NFIB: variants seen among roughly 807,000 people sequenced by gnomAD.
NFIB encodes the protein nuclear factor I B.
In NFIB, 11 loss-of-function variants were observed where a neutral mutation model predicts 61.5. The observed-to-expected ratio is 0.18, with a 90% CI of 0.11 to 0.30. The LOEUF (loss-of-function observed/expected upper bound fraction) is 0.30. Ranked by LOEUF, NFIB falls within the 10% of genes least tolerant of loss-of-function variation. NFIB has a pLI of 1.00. For synonymous variants in NFIB, 260 were observed against 216.5 expected, an observed-to-expected ratio of 1.20 and a Z score of -1.76; for missense variants, 471 against 608.9, an observed-to-expected ratio of 0.77 and a Z score of 2.38.
At chr9:14,413,637 T>C in the NFIB span, among the ~76,000 whole-genome samples, 5 of 152,028 alleles carry the variant, frequency 3.3e-5, no homozygotes, top group Non-Finnish European at 5.9e-5. Flanking sequence ...AAGCTGCAAA[T>C]AGAATTTGGG....
At chr9:14,378,045 C>T (rs2061440325) in intron 1 of NFIB, among the ~76,000 whole-genome samples, 1 of 152,086 alleles carries the variant, frequency 6.6e-6, no homozygotes, top group Non-Finnish European at 1.5e-5. Flanking sequence ...GAAAGGATTA[C>T]AAAGGTGCTC....
intron 2 of NFIB, among the ~76,000 whole-genome samples, chr9:14,231,329 A>T (rs1173520272): frequency 2.0e-5 from 3 of 151,616 alleles, no homozygotes; most frequent in African/African-American, 7.3e-5. Flanking sequence ...AAGGAAAGGC[A>T]GAGAGAGGGA....
intron 2 of NFIB, among the ~76,000 whole-genome samples, chr9:14,203,147 A>G (rs1217189701): frequency 6.7e-6 from 1 of 149,472 alleles, no homozygotes; most frequent in Non-Finnish European, 1.5e-5. Context: ...TTTAGAAGCC[A>G]AAGGAGACAG....
the NFIB span, among the ~76,000 whole-genome samples, chr9:14,487,723 C>T: frequency 2.6e-5 from 4 of 152,226 alleles, no homozygotes; most frequent in African/African-American, 7.2e-5. Context: ...CCACAGCTAA[C>T]GCAGCAGCCA....
chr9:14,126,939 G>A (rs1427705412), intron 6 of NFIB, among the ~76,000 whole-genome samples: 1 of 152,178 alleles, frequency 6.6e-6, no homozygotes, highest in African/African-American at 2.4e-5. Flanking sequence ...CTCACTTTCG[G>A]CTCCTTTAAA....
At chr9:14,404,458 C>A in the NFIB span, among the ~76,000 whole-genome samples, 1 of 152,146 alleles carries the variant, frequency 6.6e-6, no homozygotes, top group African/African-American at 2.4e-5. Flanking sequence ...AAGTCGGCCA[C>A]CTCCTACTTG....
In NFIB at chr9:14,313,529, C is replaced by G. The variant is rs1240155509; in HGVS notation, c.-18G>C. The G allele has an allele frequency of 6.2e-7, 1 of 1,613,668 alleles. No homozygotes were observed. The highest frequency in any genetic ancestry group is 8.5e-7 in the Non-Finnish European group (1 of 1,179,812). ...TACATCATGACTTCGCCTTAAAACG[C>G]ACTTTCCGGGAGATGCCCAAGAAAA... is the stretch of plus-strand genomic sequence containing the variant. On this transcript the variant is annotated 5_prime_UTR_variant, in exon 1 of 11. Coordinates refer to ENST00000380953, the MANE Select transcript of NFIB (RefSeq NM_001190737.2). This position sits in a 1 kb window ranked among gnomAD's most constrained non-coding sequence, Gnocchi z 4.5.
chr9:14,470,216 A>C, the NFIB span, among the ~76,000 whole-genome samples: 1 of 152,094 alleles, frequency 6.6e-6, no homozygotes, highest in Non-Finnish European at 1.5e-5. Context: ...AACAGCTGTT[A>C]TTGTCATTGC....
chr9:14,233,690 A>C (rs766964768), intron 2 of NFIB, among the ~76,000 whole-genome samples: 1 of 152,082 alleles, frequency 6.6e-6, no homozygotes, highest in African/African-American at 2.4e-5. Flanking sequence ...TCAGCCTCCC[A>C]AAGTGCTGGG....
intron 2 of NFIB, among the ~76,000 whole-genome samples, chr9:14,186,143 G>GT (rs1462318158): frequency 2.6e-5 from 4 of 152,178 alleles, no homozygotes; most frequent in Admixed American, 6.5e-5. Context: ...GCTGTACAAG[G>GT]TGAGTTTTCA....
At chr9:14,419,161 C>A in the NFIB span, among the ~76,000 whole-genome samples, 2 of 151,616 alleles carry the variant, frequency 1.3e-5, no homozygotes, top group Non-Finnish European at 2.9e-5. Context: ...GGGGAGCTCT[C>A]GGTGCTTTGA....
intron 4 of NFIB, among the ~76,000 whole-genome samples, chr9:14,154,095 T>A (rs1212294200): frequency 6.6e-6 from 1 of 152,182 alleles, no homozygotes; most frequent in South Asian, 2.1e-4. Flanking sequence ...TGAACTGTTC[T>A]AGAAAGATAA....
intron 1 of NFIB, among the ~76,000 whole-genome samples, chr9:14,359,261 C>T (rs1344844555): frequency 6.6e-6 from 1 of 152,224 alleles, no homozygotes; most frequent in East Asian, 1.9e-4. Flanking sequence ...AAGGCCTTTG[C>T]ACGTGTGACT....
At chr9:14,126,629 G>A (rs1355033742) in intron 6 of NFIB, among the ~76,000 whole-genome samples, 4 of 151,852 alleles carry the variant, frequency 2.6e-5, no homozygotes, top group Admixed American at 2.0e-4. Flanking sequence ...GAAAGATGAA[G>A]AAGAGGAGCA....
chr9:14,480,741 G>C, the NFIB span, among the ~76,000 whole-genome samples: 1 of 152,138 alleles, frequency 6.6e-6, no homozygotes, highest in African/African-American at 2.4e-5. Context: ...AGCCACCATG[G>C]AGGAACAGTT....
At chr9:14,156,444 C>T (rs1031268225) in intron 3 of NFIB, among the ~76,000 whole-genome samples, 11 of 152,194 alleles carry the variant, frequency 7.2e-5, no homozygotes, top group African/African-American at 1.2e-4. Context: ...CAGAACTTTG[C>T]GTTGACCTAT....
intron 1 of NFIB, among the ~76,000 whole-genome samples, chr9:14,384,168 G>A (rs1279507191): frequency 9.2e-5 from 14 of 152,146 alleles, no homozygotes; most frequent in African/African-American, 2.9e-4. Flanking sequence ...CAATCCTGAT[G>A]ACAGCTCCCG....
chr9:14,448,547 G>T, the NFIB span, among the ~76,000 whole-genome samples: 1 of 152,178 alleles, frequency 6.6e-6, no homozygotes, highest in African/African-American at 2.4e-5. Flanking sequence ...CTATTCAGAG[G>T]AAATGCTTTA....
intron 2 of NFIB, among the ~76,000 whole-genome samples, chr9:14,189,692 T>C (rs2047733867): frequency 6.6e-6 from 1 of 151,014 alleles, no homozygotes; most frequent in Admixed American, 6.6e-5. Flanking sequence ...AGTGCAACTC[T>C]TCTGCTACAT....
Sources: gnomAD v4.1 joint callset for allele counts (sites outside exome capture counted in the v4.1 genomes callset) on GRCh38, gnomAD v4.1.1 for gene constraint, Gnocchi (gnomAD v3.1) non-coding constraint, MANE v1.5 for transcripts, NCBI Gene and HGNC (gene_info 2026-07-23, HGNC 2026-07-21) for gene names.